AP1B1: variants seen among roughly 807,000 people sequenced by gnomAD.
AP1B1 encodes adaptor related protein complex 1 subunit beta 1.
A neutral mutation model predicts 104.3 loss-of-function variants in AP1B1; 36 were observed. The observed-to-expected ratio is 0.35, with a 90% confidence interval of 0.26 to 0.46. The LOEUF (loss-of-function observed/expected upper bound fraction) is 0.46. Ranked by LOEUF, AP1B1 falls within the 20% of genes least tolerant of loss-of-function variation. The pLI, the probability that AP1B1 is intolerant of heterozygous loss-of-function variation, is 1.00. For missense variants in AP1B1, 901 were observed against 1,247.9 expected (o/e 0.72, Z 4.19); for synonymous variants, 504 against 517.5 (o/e 0.97, Z 0.35).
intron 4 of AP1B1, among the ~76,000 whole-genome samples, chr22:29,359,398 A>G (rs2062009644): frequency 6.6e-6 from 1 of 152,224 alleles, no homozygotes; most frequent in Non-Finnish European, 1.5e-5. Context: ...CTAAAGGTAT[A>G]CAAATTCAGA....
intron 1 of AP1B1, among the ~76,000 whole-genome samples, chr22:29,382,544 G>A (rs1304783715): frequency 6.6e-6 from 1 of 152,110 alleles, no homozygotes; most frequent in Non-Finnish European, 1.5e-5. Flanking sequence ...CAAGATAAGT[G>A]AGTAAAATAT....
chr22:29,336,156 T>C (rs1247345000), intron 16 of AP1B1, among the ~76,000 whole-genome samples: 1 of 152,248 alleles, frequency 6.6e-6, no homozygotes, highest in Non-Finnish European at 1.5e-5. Flanking sequence ...CAAAAGTTCT[T>C]ATGCACAGAC....
chr22:29,329,281 A>G, intron 22 of AP1B1: 3 of 1,149,926 alleles, frequency 2.6e-6, no homozygotes, highest in Non-Finnish European at 3.2e-6. Context: ...GGGGGTGCGG[A>G]GGGCTGGGAG....
intron 9 of AP1B1, 30 bp from the exon 10 acceptor site, chr22:29,350,180 G>T: frequency 1.9e-6 from 3 of 1,577,844 alleles, no homozygotes; most frequent in Non-Finnish European, 2.6e-6. Context: ...TGTGGGCGAG[G>T]TCCCCGCACC....
intron 11 of AP1B1, among the ~76,000 whole-genome samples, chr22:29,345,018 A>AAAAC (rs1393754959): frequency 1.3e-5 from 2 of 152,312 alleles, no homozygotes; most frequent in South Asian, 2.1e-4. Flanking sequence ...TTTCGCCACT[A>AAAAC]AAACAAACAA....
At chr22:29,361,983 G>A (rs1314768628) in intron 3 of AP1B1, among the ~76,000 whole-genome samples, 5 of 152,002 alleles carry the variant, frequency 3.3e-5, no homozygotes, top group East Asian at 1.9e-4. Context: ...TAGTAGAGAC[G>A]GGGTTTCACC....
intron 11 of AP1B1, among the ~76,000 whole-genome samples, chr22:29,347,810 C>T (rs568988318): frequency 6.6e-6 from 1 of 152,214 alleles, no homozygotes; most frequent in Non-Finnish European, 1.5e-5. Context: ...GCAACAGCTA[C>T]CCAAATCTCA....
chr22:29,339,534 TG>T (rs1041492553), intron 15 of AP1B1, among the ~76,000 whole-genome samples: 3 of 151,584 alleles, frequency 2.0e-5, no homozygotes, highest in African/African-American at 7.3e-5. Context: ...CGACGTGTCA[TG>T]GGGTGGTGAG....
Position 29,331,338 on chromosome 22 carries a change from C to T in AP1B1, c.2524+111G>A, listed in dbSNP as rs1225976494. ...GCAGGGAAGCAGCAACTCCCCGACT[C>T]CATTTACGGGCAAGGCAGTCCATCT... On this transcript the variant is annotated intron_variant, in intron 19 of 22. Transcript: ENST00000357586. The T allele has an allele frequency of 2.8e-6, 3 of 1,082,310 alleles. No individual in the cohort carries two copies. The Middle Eastern group carries it at 6.5e-4, about 234-fold the overall frequency. 67.0% of individuals were successfully genotyped at this position (1,082,310 alleles called of 1,614,324 possible).
chr22:29,378,048 A>C (rs1459486720), intron 1 of AP1B1, among the ~76,000 whole-genome samples: 1 of 152,068 alleles, frequency 6.6e-6, no homozygotes, highest in Non-Finnish European at 1.5e-5. Context: ...CCTGGCAGAA[A>C]TATACATGCT....
intron 1 of AP1B1, among the ~76,000 whole-genome samples, chr22:29,370,948 G>C (rs1372739978): frequency 6.6e-6 from 1 of 152,142 alleles, no homozygotes; most frequent in Non-Finnish European, 1.5e-5. Flanking sequence ...GGGCCCAATG[G>C]GACTGATGAT....
At chr22:29,340,950 GGCACTGAGT>G in intron 13 of AP1B1, 93 bp from the exon 14 acceptor site, 1 of 1,301,538 alleles carries the variant, frequency 7.7e-7, no homozygotes, top group Non-Finnish European at 1.1e-6. Flanking sequence ...CCCCAGGACA[GGCACTGAGT>G]CTCCTCACTG....
At chr22:29,336,089 C>T (rs1170057413) in intron 16 of AP1B1, among the ~76,000 whole-genome samples, 1 of 152,232 alleles carries the variant, frequency 6.6e-6, no homozygotes, top group African/African-American at 2.4e-5. Flanking sequence ...CATCTTCAAT[C>T]TTTACTGGAT....
chr22:29,357,188 C>T (rs536998411), intron 5 of AP1B1, among the ~76,000 whole-genome samples: 14 of 152,042 alleles, frequency 9.2e-5, no homozygotes, highest in Non-Finnish European at 1.8e-4. Context: ...CTCAGCCTCC[C>T]GAGTAGCTGG....
At chr22:29,342,137 TG>T in intron 12 of AP1B1, 147 bp downstream of exon 12, 1 of 670,520 alleles carries the variant, frequency 1.5e-6, no homozygotes, top group East Asian at 2.7e-5. Flanking sequence ...GCAGGGAGCT[TG>T]GGTAACTCTG....
At chr22:29,374,265 A>AT (rs1406291954) in intron 1 of AP1B1, among the ~76,000 whole-genome samples, 2 of 119,700 alleles carry the variant, frequency 1.7e-5, no homozygotes, top group Non-Finnish European at 3.4e-5. Context: ...GAAAGGAAGA[A>AT]TGAAACATTG....
intron 6 of AP1B1, 128 bp from the exon 7 acceptor site, chr22:29,354,999 G>A: frequency 1.3e-6 from 1 of 772,510 alleles, no homozygotes; most frequent in South Asian, 1.8e-5. Flanking sequence ...ACTTTGGGAG[G>A]CCGAGGTGGG....
chr22:29,358,406 CCAGG>C (rs2061992638), intron 5 of AP1B1, among the ~76,000 whole-genome samples: 1 of 152,192 alleles, frequency 6.6e-6, no homozygotes, highest in Non-Finnish European at 1.5e-5. Context: ...TGCACCGTTA[CCAGG>C]CCATCCCAGG....
At chr22:29,331,948 G>A in intron 17 of AP1B1, 32 bp from the exon 18 acceptor site, 3 of 1,587,322 alleles carry the variant, frequency 1.9e-6, no homozygotes, top group South Asian at 2.2e-5. Context: ...AGGGATGGCA[G>A]GGGGAGTAGG....
Sources: allele counts gnomAD v4.1 joint callset (sites outside exome capture counted in the v4.1 genomes callset), GRCh38; gene constraint gnomAD v4.1.1; transcripts MANE v1.5; gene names NCBI Gene and HGNC (gene_info 2026-07-23, HGNC 2026-07-21).